HHLA1: variants seen among roughly 807,000 people sequenced by gnomAD.
The protein encoded by HHLA1 is HERV-H LTR-associating protein 1.
Under a neutral mutation model 69.9 loss-of-function variants are expected in HHLA1, and 72 were observed. The observed-to-expected ratio is 1.03, with a 90% CI of 0.85 to 1.25. HHLA1 has a LOEUF of 1.25. Among genes scored for constraint, HHLA1 ranks in the 50% most tolerant of loss-of-function variants. The probability of loss-of-function intolerance (pLI) is 0.00; values close to 1 mark genes in which losing one functional copy is unlikely to be tolerated. For synonymous variants in HHLA1, 252 were observed against 233.2 expected, an observed-to-expected ratio of 1.08 and a Z score of -0.73; for missense variants, 685 against 642.2, an observed-to-expected ratio of 1.07 and a Z score of -0.72.
chr8:132,091,568 T>C (rs1348920695), intron 7 of HHLA1, among the ~76,000 whole-genome samples: 3 of 152,258 alleles, frequency 2.0e-5, no homozygotes, highest in Non-Finnish European at 4.4e-5. Flanking sequence ...AGAAAGCCAG[T>C]TATTATTAAC....
intron 15 of HHLA1, among the ~76,000 whole-genome samples, chr8:132,067,478 G>T (rs1185343818): frequency 6.6e-6 from 1 of 152,104 alleles, no homozygotes; most frequent in African/African-American, 2.4e-5. Context: ...GTACTCTTAG[G>T]GAGACCTTTC....
chr8:132,086,367 G>C (rs1823863086), intron 10 of HHLA1, among the ~76,000 whole-genome samples: 2 of 152,142 alleles, frequency 1.3e-5, no homozygotes, highest in Non-Finnish European at 2.9e-5. Context: ...TTGCAGGAGT[G>C]GCCTTGCAGC....
intron 14 of HHLA1, 21 bp from the exon 15 acceptor site, chr8:132,071,514 C>G: frequency 6.5e-7 from 1 of 1,549,828 alleles, no homozygotes; most frequent in Non-Finnish European, 8.7e-7. Flanking sequence ...CAATCCCAGA[C>G]CAATTAAATC....
chr8:132,084,261 G>A (rs949187164), intron 10 of HHLA1, among the ~76,000 whole-genome samples: 11 of 152,074 alleles, frequency 7.2e-5, no homozygotes, highest in Admixed American at 2.0e-4. Flanking sequence ...GGCTGAGGGA[G>A]AATTGGGACC....
chr8:132,107,932 T>C (rs1413576131), intron 1 of HHLA1, among the ~76,000 whole-genome samples: 1 of 152,234 alleles, frequency 6.6e-6, no homozygotes, highest in East Asian at 1.9e-4. Flanking sequence ...TTTGCAAGTC[T>C]GGACCACTCT....
chr8:132,076,776 A>G (rs79660587), intron 12 of HHLA1, among the ~76,000 whole-genome samples: 140 of 152,246 alleles, frequency 9.2e-4, no homozygotes, highest in African/African-American at 3.3e-3. Flanking sequence ...GCCATTGGAA[A>G]CCAGCTGACA....
intron 7 of HHLA1, among the ~76,000 whole-genome samples, chr8:132,094,151 T>TTACAAGTGTTTAAGAAGAGTTTGC (rs1823985347): frequency 6.6e-6 from 1 of 152,104 alleles, no homozygotes; most frequent in Admixed American, 6.5e-5. Context: ...GGTTACATAG[T>TTACAAGTGTTTAAGAAGAGTTTGC]CATTACAAGT....
At chr8:132,105,863 A>G (rs1356800599) in intron 1 of HHLA1, among the ~76,000 whole-genome samples, 1 of 152,190 alleles carries the variant, frequency 6.6e-6, no homozygotes, top group Non-Finnish European at 1.5e-5. Context: ...ACTCTCATAA[A>G]TAGGAAAATA....
In HHLA1 at chr8:132,063,662, CCA is replaced by C. The variant is rs1397075227; in HGVS notation, c.*331_*332del. 1 of 165,556 alleles carries C rather than the reference CCA, an allele frequency of 6.0e-6. No individual in the cohort carries two copies. The highest frequency in any genetic ancestry group is 1.6e-4 in the East Asian group (1 of 6,292). 10.3% of individuals were successfully genotyped at this position (165,556 alleles called of 1,614,324 possible). Reference sequence around the variant, plus strand: ...TGCAGGCTAGAGTGCCCACGCATCCCCAGTTTTTAAATTGTCAGGATTGCCTC... The same window carrying C: ...TGCAGGCTAGAGTGCCCACGCATCCCGTTTTTAAATTGTCAGGATTGCCTC... On this transcript the variant is annotated 3_prime_UTR_variant, in exon 17 of 17. Transcript: ENST00000414222.
At chr8:132,076,606 G>T in intron 12 of HHLA1, 63 bp from the exon 13 acceptor site, 1 of 1,142,604 alleles carries the variant, frequency 8.8e-7, no homozygotes, top group South Asian at 1.8e-5. Context: ...GGGAGAAGAT[G>T]ACCAGGGCCA....
At chr8:132,086,034 AG>A (rs1401767682) in intron 10 of HHLA1, among the ~76,000 whole-genome samples, 2 of 152,174 alleles carry the variant, frequency 1.3e-5, no homozygotes, top group Non-Finnish European at 2.9e-5. Flanking sequence ...TGGGGGAATA[AG>A]AAGCTCCCAG....
intron 15 of HHLA1, among the ~76,000 whole-genome samples, chr8:132,067,278 A>G (rs1258343038): frequency 1.3e-5 from 2 of 152,256 alleles, no homozygotes; most frequent in Admixed American, 6.5e-5. Context: ...CTGCCCTCCA[A>G]TCTCCTCTCA....
At chr8:132,083,812 A>G (rs1823806671) in intron 10 of HHLA1, among the ~76,000 whole-genome samples, 1 of 152,170 alleles carries the variant, frequency 6.6e-6, no homozygotes, top group South Asian at 2.1e-4. Flanking sequence ...CAGTGGAGGC[A>G]AGGAATTGCA....
intron 10 of HHLA1, among the ~76,000 whole-genome samples, chr8:132,081,707 T>G (rs1823755136): frequency 6.6e-6 from 1 of 152,154 alleles, no homozygotes; most frequent in Non-Finnish European, 1.5e-5. Context: ...AAGAGGTATT[T>G]TAGTTATCTG....
At chr8:132,071,528 A>G (rs755941026) in intron 14 of HHLA1, 35 bp from the exon 15 acceptor site, 3 of 1,545,952 alleles carry the variant, frequency 1.9e-6, no homozygotes, top group African/African-American at 1.4e-5. Flanking sequence ...TTAAATCAGT[A>G]AGAGTTTAGT....
chr8:132,110,688 G>T (rs1340590776), intron 1 of HHLA1, among the ~76,000 whole-genome samples: 1 of 152,174 alleles, frequency 6.6e-6, no homozygotes, highest in African/African-American at 2.4e-5. Flanking sequence ...TCCATTGCAG[G>T]TTGAACACTG....
chr8:132,090,850 C>T (rs779224953), intron 7 of HHLA1, among the ~76,000 whole-genome samples: 6 of 151,648 alleles, frequency 4.0e-5, no homozygotes, highest in Non-Finnish European at 7.4e-5. Context: ...GTTCCGCCTC[C>T]CAGGTTCACG....
At chr8:132,089,654 A>T (rs2130891098) in intron 7 of HHLA1, 55 bp from the exon 8 acceptor site, 1 of 851,260 alleles carries the variant, frequency 1.2e-6, no homozygotes, top group Non-Finnish European at 2.0e-6. Flanking sequence ...AAAGGAGAAA[A>T]GTATACTGTG....
At chr8:132,106,280 C>A (rs374923622) in intron 1 of HHLA1, among the ~76,000 whole-genome samples, 3 of 152,282 alleles carry the variant, frequency 2.0e-5, no homozygotes, top group South Asian at 2.1e-4. Context: ...ATCCTCAGGG[C>A]AAATTGCATG....
Sources: gnomAD v4.1 joint callset for allele counts (sites outside exome capture counted in the v4.1 genomes callset) on GRCh38, gnomAD v4.1.1 for gene constraint, MANE v1.5 for transcripts, NCBI Gene and HGNC (gene_info 2026-07-23, HGNC 2026-07-21) for gene names.